The following C21orf91 variants were observed in gnomAD, a reference collection of about 807,000 sequenced individuals.
C21orf91 encodes protein EURL homolog.
Under a neutral mutation model 32.9 loss-of-function variants are expected in C21orf91, and 26 were observed. That is an observed-to-expected ratio of 0.79 (90% CI 0.58 to 1.10). C21orf91 has a LOEUF of 1.10. Ranked by LOEUF, C21orf91 falls within the 50% of genes least tolerant of loss-of-function variation. The probability of loss-of-function intolerance (pLI) is 0.00; values close to 1 mark genes in which losing one functional copy is unlikely to be tolerated. For synonymous variants in C21orf91, 126 were observed against 120.4 expected (o/e 1.05, Z -0.31); for missense variants, 310 against 341.3 (o/e 0.91, Z 0.72).
intron 3 of C21orf91, among the ~76,000 whole-genome samples, chr21:17,795,945 T>A (rs960761466): frequency 2.2e-4 from 34 of 152,362 alleles, no homozygotes; most frequent in African/African-American, 7.9e-4. Flanking sequence ...TTAGATAGTT[T>A]ATAACCTGCA....
At chr21:17,793,613 T>G in intron 4 of C21orf91, 32 bp from the exon 5 acceptor site, 1 of 1,462,122 alleles carries the variant, frequency 6.8e-7, no homozygotes, top group Non-Finnish European at 9.5e-7. Context: ...TCATTTTTAG[T>G]ATGCAGAAAG....
intron 1 of C21orf91, 26 bp from the exon 2 acceptor site, chr21:17,818,351 T>G (rs754349803): frequency 1.3e-6 from 2 of 1,580,626 alleles, no homozygotes; most frequent in South Asian, 1.1e-5. Flanking sequence ...AAAGGAAAGT[T>G]ACACAATTTC....
intron 2 of C21orf91, among the ~76,000 whole-genome samples, chr21:17,816,722 G>T (rs2146265257): frequency 6.6e-6 from 1 of 152,338 alleles, no homozygotes; most frequent in Middle Eastern, 3.4e-3. Context: ...AAGGGGTTTA[G>T]CACAGTGCCT....
chr21:17,808,526 G>T (rs57210350), intron 2 of C21orf91, among the ~76,000 whole-genome samples: 1,946 of 152,330 alleles, frequency 0.013, 39 homozygotes, highest in African/African-American at 0.044. Flanking sequence ...CCGTCCTCCA[G>T]ACTCCAGAAT....
At chr21:17,805,002 T>C (rs1052080848) in intron 2 of C21orf91, among the ~76,000 whole-genome samples, 8 of 152,176 alleles carry the variant, frequency 5.3e-5, no homozygotes, top group Non-Finnish European at 1.0e-4. Flanking sequence ...CCAAACTCAA[T>C]TCTACTCCTT....
chr21:17,797,149 G>A (rs771590964), intron 2 of C21orf91, 31 bp from the exon 3 acceptor site: 1 of 1,451,544 alleles, frequency 6.9e-7, no homozygotes, highest in Admixed American at 2.2e-5. Context: ...CAAAAGACTT[G>A]AGAAATTTTG....
chr21:17,796,456 C>A (rs2062518521), intron 3 of C21orf91, 126 bp downstream of exon 3: 1 of 707,924 alleles, frequency 1.4e-6, no homozygotes, highest in Non-Finnish European at 2.4e-6. Context: ...CTAAGGTGAA[C>A]CTGTTAAATA....
intron 2 of C21orf91, among the ~76,000 whole-genome samples, chr21:17,812,451 C>T (rs1435032884): frequency 6.6e-6 from 1 of 152,072 alleles, no homozygotes; most frequent in African/African-American, 2.4e-5. Context: ...AGGGCTCTGA[C>T]CAAATGAATG....
chr21:17,793,220 G>A lies in C21orf91; in HGVS notation c.*195C>T, dbSNP rs1022177374. The A allele has an allele frequency of 2.6e-6, 1 of 382,646 alleles. No homozygotes were observed. The highest frequency in any genetic ancestry group is 4.7e-6 in the Non-Finnish European group (1 of 212,530). 23.7% of individuals were successfully genotyped at this position (382,646 alleles called of 1,614,324 possible). On this transcript the variant is annotated 3_prime_UTR_variant, in exon 5 of 5. Coordinates refer to ENST00000284881, the MANE Select transcript of C21orf91 (RefSeq NM_001100420.2). ...TTCTGGGAAAAAAGAGTCCCCAAATGAGCCAAAATGATTAGCCCTAGAAGA... is the reference window on the plus strand; with the variant it reads ...TTCTGGGAAAAAAGAGTCCCCAAATAAGCCAAAATGATTAGCCCTAGAAGA...
At position 17,791,666 on chromosome 21, in the gene C21orf91, T is replaced by C. The variant is rs1053103662; in HGVS notation, c.*1749A>G. 6.6e-6 allele frequency: 1 copy of C among 152,126 alleles called. No individual in the cohort carries two copies. The highest frequency in any genetic ancestry group is 6.5e-5 in the Admixed American group (1 of 15,274). The allele number at this position is 152,126 out of a possible 1,614,324, so 9.4% of individuals were successfully genotyped here. A position where few individuals can be genotyped will look rare whatever the true frequency, so the allele number is the denominator to read the frequency against. ...AAGCACTAAGATATTAATCAGGAAA[T>C]GTATTTACCCAGCTTGTAAGTTTGA... On this transcript the variant is annotated 3_prime_UTR_variant, in exon 5 of 5. Coordinates refer to ENST00000284881, the MANE Select transcript of C21orf91 (RefSeq NM_001100420.2).
At chr21:17,799,882 T>C (rs1306208073) in intron 2 of C21orf91, among the ~76,000 whole-genome samples, 1 of 152,020 alleles carries the variant, frequency 6.6e-6, no homozygotes, top group African/African-American at 2.4e-5. Context: ...CAAAAACAAA[T>C]CAATTATCAC....
At chr21:17,815,129 A>G (rs2062656941) in intron 2 of C21orf91, among the ~76,000 whole-genome samples, 1 of 152,206 alleles carries the variant, frequency 6.6e-6, no homozygotes, top group African/African-American at 2.4e-5. Context: ...AAACGTATGC[A>G]TGCACACAGC....
chr21:17,802,553 T>C (rs1015070059), intron 2 of C21orf91, among the ~76,000 whole-genome samples: 1 of 152,228 alleles, frequency 6.6e-6, no homozygotes, highest in Non-Finnish European at 1.5e-5. Context: ...AACAATTTTT[T>C]TTCGTAACAA....
chr21:17,801,486 G>A (rs2062560603), intron 2 of C21orf91, among the ~76,000 whole-genome samples: 1 of 152,088 alleles, frequency 6.6e-6, no homozygotes, highest in Non-Finnish European at 1.5e-5. Context: ...TAGCCAGGAT[G>A]GTCTCGATCT....
chr21:17,789,872 C>G lies in C21orf91; in HGVS notation c.*3543G>C, dbSNP rs1275655737. 6.6e-6 allele frequency: 1 copy of G among 152,086 alleles called. No individual in the cohort carries two copies. The highest frequency in any genetic ancestry group is 1.9e-4 in the East Asian group (1 of 5,206). The allele number at this position is 152,086 out of a possible 1,614,324, so 9.4% of individuals were successfully genotyped here. On this transcript the variant is annotated 3_prime_UTR_variant, in exon 5 of 5. Transcript: ENST00000284881. ...AAACTGTTGGGGGTTTTATCTCTTA[C>G]TAATTCTCACCACAAATTTCCTCAA...
rs1205176538 is a variant in C21orf91, at chr21:17,797,032, C to G, written c.214G>C (p.Gly72Arg). ...TTTGAAAGCTTAGATCGAGGACAAC[C>G]CTGGTTTGCAATTAAATGGTATTTT... is the stretch of plus-strand genomic sequence containing the variant. ...FEKYHLIANQ[G>R]CPRSKLSKST... The change falls in exon 3 of 5, where the codon GGT becomes CGT. Residue 72 changes from glycine to arginine, a missense_variant. Transcript: ENST00000284881. 6.2e-7 allele frequency: 1 copy of G among 1,611,840 alleles called. No individual in the cohort carries two copies. The highest frequency in any genetic ancestry group is 1.3e-5 in the African/African-American group (1 of 74,842).
At chr21:17,796,139 CCTTT>C (rs1363086094) in intron 3 of C21orf91, among the ~76,000 whole-genome samples, 1 of 152,096 alleles carries the variant, frequency 6.6e-6, no homozygotes, top group Non-Finnish European at 1.5e-5. Context: ...AATGAGTCAC[CCTTT>C]CTAACTTTAC....
intron 2 of C21orf91, among the ~76,000 whole-genome samples, chr21:17,815,436 C>T (rs1445463719): frequency 6.6e-6 from 1 of 152,134 alleles, no homozygotes; most frequent in Non-Finnish European, 1.5e-5. Context: ...GCCCCTCTTA[C>T]ATTCTAGTCT....
At chr21:17,807,246 T>C (rs1020121926) in intron 2 of C21orf91, among the ~76,000 whole-genome samples, 4 of 152,186 alleles carry the variant, frequency 2.6e-5, no homozygotes, top group Non-Finnish European at 4.4e-5. Flanking sequence ...CTTGCTGTTC[T>C]CATGATAGTG....
Sources: gnomAD v4.1 joint callset for allele counts (sites outside exome capture counted in the v4.1 genomes callset) on GRCh38, gnomAD v4.1.1 for gene constraint, MANE v1.5 for transcripts, NCBI Gene and HGNC (gene_info 2026-07-23, HGNC 2026-07-21) for gene names.